BLK: variants seen among roughly 807,000 people sequenced by gnomAD.
BLK encodes the protein BLK proto-oncogene, Src family tyrosine kinase, also known as tyrosine-protein kinase Blk.
BLK carries 64 observed loss-of-function variants against 61.8 expected under a neutral mutation model. The observed-to-expected ratio is 1.03, with a 90% confidence interval of 0.85 to 1.27. The LOEUF is 1.27. Ranked by LOEUF, BLK falls within the 50% of genes most tolerant of loss-of-function variation. The pLI is 0.00. For synonymous variants in BLK, 351 were observed against 272.0 expected (o/e 1.29, Z -2.86); for missense variants, 853 against 660.5 (o/e 1.29, Z -3.19).
intron 1 of BLK, among the ~76,000 whole-genome samples, chr8:11,527,599 G>T (rs1799709481): frequency 6.6e-6 from 1 of 151,896 alleles, no homozygotes; most frequent in Non-Finnish European, 1.5e-5. Context: ...GGACAATTTG[G>T]TGGGCAGGGT....
intron 1 of BLK, among the ~76,000 whole-genome samples, chr8:11,520,461 A>G (rs1367983330): frequency 7.5e-6 from 1 of 133,406 alleles, no homozygotes; most frequent in African/African-American, 2.8e-5. Flanking sequence ...TGGGCAATGG[A>G]GCAAGACCTT....
chr8:11,501,556 G>C (rs930784582), intron 1 of BLK, among the ~76,000 whole-genome samples: 1 of 152,134 alleles, frequency 6.6e-6, no homozygotes, highest in African/African-American at 2.4e-5. Context: ...CAAATGTATT[G>C]TATACATACA....
chr8:11,505,342 C>T (rs1010237789), intron 1 of BLK, among the ~76,000 whole-genome samples: 2 of 152,102 alleles, frequency 1.3e-5, no homozygotes, highest in African/African-American at 4.8e-5. Flanking sequence ...CTGTTTTCTA[C>T]TTGGAATGGG....
At chr8:11,539,674 A>G (rs952532949) in intron 1 of BLK, among the ~76,000 whole-genome samples, 1 of 152,184 alleles carries the variant, frequency 6.6e-6, no homozygotes, top group Non-Finnish European at 1.5e-5. Flanking sequence ...TCTAATAAAT[A>G]TTTATTAAGC....
intron 5 of BLK, among the ~76,000 whole-genome samples, chr8:11,549,788 C>T (rs76713287): frequency 0.014 from 2,173 of 152,332 alleles, 21 homozygotes; most frequent in Middle Eastern, 0.034. Context: ...CAGAGAGTCT[C>T]GGCAGTTTGC....
chr8:11,547,182 A>G (rs1406560908), intron 3 of BLK, among the ~76,000 whole-genome samples: 1 of 152,256 alleles, frequency 6.6e-6, no homozygotes, highest in Non-Finnish European at 1.5e-5. Context: ...TCCCTGGAAA[A>G]GCTCAGAATC....
intron 12 of BLK, 143 bp downstream of exon 12, chr8:11,563,253 T>A: frequency 8.0e-7 from 1 of 1,257,322 alleles, no homozygotes; most frequent in Non-Finnish European, 1.1e-6. Context: ...GCATGGCATC[T>A]GGGGTGGAGC....
chr8:11,559,763 G>C (rs997871708), intron 10 of BLK: 17 of 456,082 alleles, frequency 3.7e-5, no homozygotes, highest in Admixed American at 2.6e-4. Flanking sequence ...CTCTGCCCAG[G>C]AAGCCTTGAA....
In BLK at chr8:11,561,390, G is replaced by C; in HGVS notation, c.1118G>C (p.Cys373Ser). ...AANILVSEAL[C>S]CKIADFGLAR... ...AACATCCTGGTGTCTGAGGCCTTGT[G>C]CTGCAAAATTGCTGATTTTGGCTTG... Residue 373 changes from cysteine to serine, a missense_variant, in exon 11 of 13, where the codon TGC (cysteine) becomes TCC (serine). Cys to Ser is a moderately radical substitution (Grantham distance 112). Transcript: ENST00000259089. The C allele has an allele frequency of 6.2e-7, 1 of 1,614,176 alleles. No homozygotes were observed. Among genetic ancestry groups the C allele is most frequent in the African/African-American group, 1.3e-5 (1 of 75,058 alleles).
chr8:11,548,661 C>T (rs942292273), intron 4 of BLK, among the ~76,000 whole-genome samples: 1 of 152,224 alleles, frequency 6.6e-6, no homozygotes, highest in African/African-American at 2.4e-5. Context: ...CTGAGCCAAG[C>T]TCACGAAGGT....
rs191646686 is a variant in BLK at position 11,532,957 on chromosome 8, G to A, written c.-1-10267G>A. 2.3e-4 allele frequency among the ~76,000 whole-genome samples: 35 copies of A among 152,336 alleles called. No homozygotes were observed. The East Asian group carries it at 6.4e-3, about 28-fold the overall frequency. On this transcript the variant is annotated intron_variant, in intron 1 of 12. Transcript: ENST00000259089. ...CCTTCAGCAAGACCTTAAGCCTCAA[G>A]GAGCCTGAGTTTCTTCATCTGTAAA... is the stretch of plus-strand genomic sequence containing the variant.
chr8:11,513,893 G>T (rs1478585342), intron 1 of BLK, among the ~76,000 whole-genome samples: 1 of 152,138 alleles, frequency 6.6e-6, no homozygotes, highest in Admixed American at 6.5e-5. Context: ...CGACCCAGGT[G>T]GATTCAGAGT....
intron 1 of BLK, among the ~76,000 whole-genome samples, chr8:11,522,861 A>G (rs189006429): frequency 1.7e-3 from 266 of 152,330 alleles, no homozygotes; most frequent in Non-Finnish European, 3.2e-3. Context: ...TAAATGTCCA[A>G]AATCATACAT....
intron 1 of BLK, among the ~76,000 whole-genome samples, chr8:11,518,881 C>G (rs1195021729): frequency 6.6e-6 from 1 of 152,168 alleles, no homozygotes; most frequent in Non-Finnish European, 1.5e-5. Flanking sequence ...CTGCTCTGCC[C>G]TCTGTGCTTT....
In BLK at chr8:11,547,504, G is replaced by A. The variant is rs187180344; in HGVS notation, c.176-528G>A. 8.6e-4 allele frequency among the ~76,000 whole-genome samples: 131 copies of A among 152,300 alleles called. 1 individual carries two copies. The highest frequency in any genetic ancestry group is 6.1e-3 in the Admixed American group (94 of 15,310). ...GGCCCGCCAGCAAGGTGGGGGGCCCGGCAGGGTCACTGGCAGCCATAGACA... is the reference window on the plus strand; with the variant it reads ...GGCCCGCCAGCAAGGTGGGGGGCCCAGCAGGGTCACTGGCAGCCATAGACA... On this transcript the variant is annotated intron_variant, in intron 3 of 12. Transcript: ENST00000259089.
intron 1 of BLK, among the ~76,000 whole-genome samples, chr8:11,539,104 C>G (rs1307026720): frequency 6.6e-6 from 1 of 151,892 alleles, no homozygotes; most frequent in Non-Finnish European, 1.5e-5. Flanking sequence ...TTGCCTTACA[C>G]CACACCTCTG....
chr8:11,548,974 C>G (rs778986290), intron 4 of BLK, 50 bp from the exon 5 acceptor site: 1 of 1,503,652 alleles, frequency 6.7e-7, no homozygotes, highest in South Asian at 1.2e-5. Flanking sequence ...TGCCCAGTGA[C>G]GGGCCTACAG....
chr8:11,525,542 T>C (rs1290816345), intron 1 of BLK, among the ~76,000 whole-genome samples: 4 of 152,238 alleles, frequency 2.6e-5, no homozygotes, highest in Non-Finnish European at 4.4e-5. Context: ...CCAGTTCAGA[T>C]CTCTTTTATC....
chr8:11,531,461 T>G (rs1799883941), intron 1 of BLK, among the ~76,000 whole-genome samples: 1 of 152,174 alleles, frequency 6.6e-6, no homozygotes, highest in African/African-American at 2.4e-5. Flanking sequence ...AAGATTTCCT[T>G]CTAGGTTTTC....
Sources: gnomAD v4.1 joint callset for allele counts (sites outside exome capture counted in the v4.1 genomes callset) on GRCh38, gnomAD v4.1.1 for gene constraint, MANE v1.5 for transcripts, NCBI Gene and HGNC (gene_info 2026-07-23, HGNC 2026-07-21) for gene names.